Variants in CNIH3 observed in about 807,000 individuals in gnomAD.
The protein encoded by CNIH3 is cornichon family AMPA receptor auxiliary protein 3.
A neutral mutation model predicts 24.1 loss-of-function variants in CNIH3; 14 were observed. The ratio of observed to expected loss-of-function variants is 0.58; its 90% CI spans 0.38 to 0.91. The LOEUF (loss-of-function observed/expected upper bound fraction) is 0.91, where lower values mean the gene tolerates loss of function less well. Among genes scored for constraint, CNIH3 ranks in the 40% least tolerant of loss-of-function variants. CNIH3 has a pLI of 0.00. For missense variants in CNIH3, 178 were observed against 196.8 expected (o/e 0.90, Z 0.57); for synonymous variants, 68 against 73.8 (o/e 0.92, Z 0.40).
At chr1:224,726,430 GA>G (rs1689026178) in intron 3 of CNIH3, among the ~76,000 whole-genome samples, 1 of 152,234 alleles carries the variant, frequency 6.6e-6, no homozygotes, top group African/African-American at 2.4e-5. Context: ...GCCAGCAAAT[GA>G]AAATTGACTA....
chr1:224,580,416 G>A (rs144289408), intron 4 of CNIH3, among the ~76,000 whole-genome samples: 181 of 152,332 alleles, frequency 1.2e-3, no homozygotes, highest in Non-Finnish European at 1.9e-3. Context: ...ATAAGCCACC[G>A]TAGGATCTGT....
At chr1:224,728,400 T>C (rs1689149403) in intron 3 of CNIH3, among the ~76,000 whole-genome samples, 1 of 152,144 alleles carries the variant, frequency 6.6e-6, no homozygotes, top group African/African-American at 2.4e-5. Context: ...TGCCCCCTCC[T>C]GCCAGGTGGT....
intron 5 of CNIH3, among the ~76,000 whole-genome samples, chr1:224,583,443 A>T (rs1036468043): frequency 6.6e-6 from 1 of 152,186 alleles, no homozygotes. Flanking sequence ...TCTGAGTTGC[A>T]TATGGGGATC....
At chr1:224,457,271 CTCTCTGTGTGTGTGTGTGTG>C (rs1386418860) in intron 1 of CNIH3, among the ~76,000 whole-genome samples, 6 of 82,264 alleles carry the variant, frequency 7.3e-5, no homozygotes, top group South Asian at 6.5e-4. Context: ...CCTCCTCTCT[CTCTCTGTGTGTGTGTGTGTG>C]TGTGTGTGTG....
chr1:224,612,844 G>A (rs938629966), upstream of CNIH3, among the ~76,000 whole-genome samples: 10 of 151,930 alleles, frequency 6.6e-5, no homozygotes, highest in Non-Finnish European at 1.2e-4. This position sits in a 1 kb window ranked among gnomAD's most constrained non-coding sequence, Gnocchi z 4.7. Flanking sequence ...TTGGTGTCAC[G>A]AAATTTTATA....
intron 1 of CNIH3, chr1:224,661,209 T>A: frequency 3.6e-6 from 1 of 276,236 alleles, no homozygotes. Flanking sequence ...CCTCACCATG[T>A]ATCGTTAAGG....
At chr1:224,551,961 T>C (rs1424676272) in intron 3 of CNIH3, among the ~76,000 whole-genome samples, 1 of 151,502 alleles carries the variant, frequency 6.6e-6, no homozygotes, top group Non-Finnish European at 1.5e-5. Flanking sequence ...TTATTTGTAA[T>C]GTCTAAGGGA....
intron 3 of CNIH3, among the ~76,000 whole-genome samples, chr1:224,702,705 C>T (rs1159321654): frequency 6.6e-6 from 1 of 152,204 alleles, no homozygotes; most frequent in African/African-American, 2.4e-5. Context: ...CCCAGAGAGT[C>T]TCACCTGATT....
chr1:224,683,160 A>G (rs1046658300), intron 2 of CNIH3, among the ~76,000 whole-genome samples: 11 of 152,326 alleles, frequency 7.2e-5, no homozygotes, highest in African/African-American at 2.6e-4. Flanking sequence ...GTGGCATAGA[A>G]GTTAAATCTC....
At chr1:224,653,357 G>C (rs182762621) in intron 1 of CNIH3, among the ~76,000 whole-genome samples, 2 of 150,962 alleles carry the variant, frequency 1.3e-5, no homozygotes, top group Admixed American at 1.3e-4. Context: ...AGGAGGCAGA[G>C]GTTGCAGTGA....
At chr1:224,610,604 C>G (rs1428967480) in intron 3 of CNIH3, among the ~76,000 whole-genome samples, 1 of 152,130 alleles carries the variant, frequency 6.6e-6, no homozygotes, top group Non-Finnish European at 1.5e-5. Flanking sequence ...TATAAATTAC[C>G]CAGTCTCAGG....
At chr1:224,629,917 A>G (rs1204426040) in intron 1 of CNIH3, among the ~76,000 whole-genome samples, 1 of 152,158 alleles carries the variant, frequency 6.6e-6, no homozygotes, top group Admixed American at 6.5e-5. Flanking sequence ...ATAAGTGAAC[A>G]AAATAGTTAT....
At chr1:224,723,471 T>A (rs1007428043) in intron 3 of CNIH3, among the ~76,000 whole-genome samples, 1 of 151,992 alleles carries the variant, frequency 6.6e-6, no homozygotes, top group Non-Finnish European at 1.5e-5. Context: ...GAAGAAAACA[T>A]AGGGAGAAAC....
intron 4 of CNIH3, among the ~76,000 whole-genome samples, chr1:224,579,140 A>T (rs969026): frequency 0.67 from 101,025 of 150,354 alleles, 34,919 homozygotes; most frequent in East Asian, 0.99. Context: ...CCATTTTAAC[A>T]TCTTGCCCTT....
chr1:224,487,105 A>T (rs982519997), intron 1 of CNIH3, among the ~76,000 whole-genome samples: 8 of 152,226 alleles, frequency 5.3e-5, no homozygotes, highest in Non-Finnish European at 8.8e-5. Flanking sequence ...TCTAACAGAA[A>T]TAAGACATTC....
intron 1 of CNIH3, among the ~76,000 whole-genome samples, chr1:224,470,154 G>T (rs1420350920): frequency 6.6e-6 from 1 of 151,804 alleles, no homozygotes; most frequent in Non-Finnish European, 1.5e-5. Flanking sequence ...GAGTAGCTGG[G>T]ATTACAGGCA....
At chr1:224,514,270 G>A (rs943060222), upstream of CNIH3, among the ~76,000 whole-genome samples, 7 of 152,170 alleles carry the variant, frequency 4.6e-5, no homozygotes, top group East Asian at 5.8e-4. Context: ...AGGGCCTTAC[G>A]ATATTTTAGT....
intron 1 of CNIH3, among the ~76,000 whole-genome samples, chr1:224,438,409 C>G (rs10159333): frequency 0.28 from 43,174 of 151,956 alleles, 7,638 homozygotes; most frequent in African/African-American, 0.49. Flanking sequence ...TTTTAAAAAG[C>G]TGAGATAGTA....
chr1:224,574,894 G>A, intron 4 of CNIH3: 1 of 1,011,990 alleles, frequency 9.9e-7, no homozygotes, highest in South Asian at 1.3e-5. Flanking sequence ...GTGGATGAAG[G>A]GCTGGTGAAA....
Sources: allele counts gnomAD v4.1 joint callset (sites outside exome capture counted in the v4.1 genomes callset), GRCh38; gene constraint gnomAD v4.1.1; non-coding constraint Gnocchi (gnomAD v3.1); transcripts MANE v1.5; gene names NCBI Gene and HGNC (gene_info 2026-07-23, HGNC 2026-07-21).